Variants in RBMS3 observed in about 807,000 individuals in gnomAD.
RBMS3 encodes the protein RNA binding motif single stranded interacting protein 3.
RBMS3 carries 27 observed loss-of-function variants against 66.8 expected under a neutral mutation model. That is an observed-to-expected ratio of 0.40 (90% CI 0.30 to 0.56). The LOEUF (loss-of-function observed/expected upper bound fraction) is 0.56, where lower values mean the gene tolerates loss of function less well. Among genes scored for constraint, RBMS3 ranks in the 20% least tolerant of loss-of-function variants. The pLI is 0.40. For synonymous variants in RBMS3, 188 were observed against 183.0 expected, an observed-to-expected ratio of 1.03 and a Z score of -0.22; for missense variants, 513 against 549.5, an observed-to-expected ratio of 0.93 and a Z score of 0.66.
chr3:29,842,981 C>A (rs564098566), intron 6 of RBMS3, among the ~76,000 whole-genome samples: 1 of 152,268 alleles, frequency 6.6e-6, no homozygotes, highest in South Asian at 2.1e-4. Flanking sequence ...TTGCTTTAAG[C>A]CACTGAGTTT....
intron 6 of RBMS3, among the ~76,000 whole-genome samples, chr3:29,805,522 G>A (rs2057520005): frequency 6.6e-6 from 1 of 152,014 alleles, no homozygotes; most frequent in Non-Finnish European, 1.5e-5. Context: ...TGGCCCTGAA[G>A]ATCTTCCAGT....
intron 4 of RBMS3, among the ~76,000 whole-genome samples, chr3:29,700,245 A>C (rs1290823397): frequency 6.6e-6 from 1 of 152,204 alleles, no homozygotes; most frequent in African/African-American, 2.4e-5. Flanking sequence ...ACATCAAAAT[A>C]TGGTGGCTCT....
intron 6 of RBMS3, among the ~76,000 whole-genome samples, chr3:29,851,607 G>T (rs1046889237): frequency 6.6e-6 from 1 of 152,142 alleles, no homozygotes; most frequent in African/African-American, 2.4e-5. Context: ...TGATAACTAT[G>T]CAATTTGCCT....
rs372128890 is a variant in RBMS3, at chr3:29,405,950, A to G, written c.76-28793A>G. On this transcript the variant is annotated intron_variant, in intron 1 of 14. Transcript: ENST00000383767. ...CTTGAATGTCCTCACAAAAATTCCA[A>G]CTGAACCCACACATGATTTTTCCCC... Among the ~76,000 whole-genome samples, 69 of 152,290 alleles carry G rather than the reference A, an allele frequency of 4.5e-4. No individual in the cohort carries two copies. The South Asian group carries it at 8.9e-3, about 20-fold the overall frequency.
intron 7 of RBMS3, among the ~76,000 whole-genome samples, chr3:29,870,814 T>G (rs897156295): frequency 1.3e-5 from 2 of 152,122 alleles, no homozygotes; most frequent in African/African-American, 4.8e-5. Context: ...ATGATAAAAT[T>G]TATCTGTGAC....
At chr3:29,776,786 A>C (rs1237141031) in intron 6 of RBMS3, among the ~76,000 whole-genome samples, 8 of 151,974 alleles carry the variant, frequency 5.3e-5, no homozygotes, top group Non-Finnish European at 4.4e-5. Context: ...TAAGGTACAC[A>C]TCCTTTGCAA....
intron 4 of RBMS3, among the ~76,000 whole-genome samples, chr3:29,714,747 TACACACACAC>T (rs34878958): frequency 0.029 from 4,277 of 149,284 alleles, 86 homozygotes; most frequent in Admixed American, 0.065. Context: ...TGCACACATG[TACACACACAC>T]ACACACACAC....
rs917706946 is a variant in RBMS3, at chr3:30,004,600, G to A, written c.*738G>A. On this transcript the variant is annotated 3_prime_UTR_variant, in exon 15 of 15. Coordinates refer to ENST00000383767, the MANE Select transcript of RBMS3 (RefSeq NM_001003793.3). The stretch of plus-strand genomic sequence containing the variant: ...AATTTGTTGATAAACCATGGCAACT[G>A]CAAGAATTGGAAAAATGCTGGGACT... 1 of 152,192 alleles carries A rather than the reference G, an allele frequency of 6.6e-6. No homozygotes were observed. Among genetic ancestry groups the A allele is most frequent in the Admixed American group, 6.6e-5 (1 of 15,190 alleles). The allele number at this position is 152,192 out of a possible 1,614,324, so 9.4% of individuals were successfully genotyped here.
At chr3:29,984,862 C>T (rs1698261988) in intron 12 of RBMS3, among the ~76,000 whole-genome samples, 1 of 152,140 alleles carries the variant, frequency 6.6e-6, no homozygotes, top group Non-Finnish European at 1.5e-5. Context: ...CAGGGGCCCA[C>T]TTGAGGAGGC....
At chr3:29,874,740 C>CTT (rs3836347) in intron 7 of RBMS3, among the ~76,000 whole-genome samples, 16 of 151,734 alleles carry the variant, frequency 1.1e-4, no homozygotes, top group Admixed American at 9.2e-4. Flanking sequence ...TAAAATAAAC[C>CTT]TTTTTTTTGG....
At chr3:29,743,667 C>G (rs2054737908) in intron 5 of RBMS3, among the ~76,000 whole-genome samples, 1 of 151,840 alleles carries the variant, frequency 6.6e-6, no homozygotes, top group Admixed American at 6.6e-5. Context: ...ACTCTGATTG[C>G]TGGGCCCACT....
chr3:29,802,144 T>C (rs2057408970), intron 6 of RBMS3, among the ~76,000 whole-genome samples: 2 of 152,186 alleles, frequency 1.3e-5, no homozygotes, highest in Admixed American at 1.3e-4. Flanking sequence ...CTTGCTCTAC[T>C]GTTAAAACCT....
rs1294782963 is a variant in RBMS3, at chr3:29,578,346, G to A, written c.308-8768G>A. ...CCGTGTACATTTGTTACTCTCGATT[G>A]TGCATATATACATATAAGTGCTTTT... On this transcript the variant is annotated intron_variant, in intron 3 of 14. Coordinates refer to ENST00000383767, the MANE Select transcript of RBMS3 (RefSeq NM_001003793.3). Among the ~76,000 whole-genome samples the A allele has an allele frequency of 2.0e-5, 3 of 152,062 alleles. No homozygotes were observed. The East Asian group carries it at 5.8e-4, about 29-fold the overall frequency.
chr3:29,892,495 G>A (rs183085841), intron 8 of RBMS3, among the ~76,000 whole-genome samples: 1 of 151,428 alleles, frequency 6.6e-6, no homozygotes, highest in African/African-American at 2.4e-5. Flanking sequence ...AACAAAAAAT[G>A]TCTCCAGACA....
intron 3 of RBMS3, among the ~76,000 whole-genome samples, chr3:29,515,707 T>A (rs1478246065): frequency 6.6e-6 from 1 of 152,208 alleles, no homozygotes; most frequent in Admixed American, 6.5e-5. Flanking sequence ...GCACTTGGTG[T>A]GTACCTTTCA....
chr3:29,615,443 C>G (rs1486471002), intron 4 of RBMS3, among the ~76,000 whole-genome samples: 2 of 151,072 alleles, frequency 1.3e-5, no homozygotes, highest in African/African-American at 2.4e-5. Flanking sequence ...ATGAGATTAT[C>G]TATATGAAGG....
chr3:29,387,228 T>A (rs1351129286), intron 1 of RBMS3, among the ~76,000 whole-genome samples: 1 of 152,154 alleles, frequency 6.6e-6, no homozygotes, highest in Non-Finnish European at 1.5e-5. Flanking sequence ...CTCCAGGTTA[T>A]AAAAAACTAA....
intron 12 of RBMS3, among the ~76,000 whole-genome samples, chr3:29,963,828 C>A (rs200219880): frequency 0.018 from 2,223 of 121,508 alleles, 32 homozygotes; most frequent in African/African-American, 0.051. Flanking sequence ...CTGCCCCCTC[C>A]AAAAAAAAAA....
At chr3:29,756,694 C>T (rs1375790859) in intron 5 of RBMS3, among the ~76,000 whole-genome samples, 1 of 152,088 alleles carries the variant, frequency 6.6e-6, no homozygotes, top group Non-Finnish European at 1.5e-5. Context: ...CACCAAGCTA[C>T]CCACATTTCT....
Sources: gnomAD v4.1 joint callset for allele counts (sites outside exome capture counted in the v4.1 genomes callset) on GRCh38, gnomAD v4.1.1 for gene constraint, MANE v1.5 for transcripts, NCBI Gene and HGNC (gene_info 2026-07-23, HGNC 2026-07-21) for gene names.